The following COL13A1 variants were observed in gnomAD, a reference collection of about 807,000 sequenced individuals.
COL13A1 encodes collagen type XIII alpha 1 chain.
Under a neutral mutation model 130.9 loss-of-function variants are expected in COL13A1, and 89 were observed. The ratio of observed to expected loss-of-function variants is 0.68; its 90% confidence interval spans 0.57 to 0.81. COL13A1 has a LOEUF of 0.81. COL13A1 is among the 30% of genes least tolerant of loss of function. The pLI, the probability that COL13A1 is intolerant of heterozygous loss-of-function variation, is 0.00. For missense variants in COL13A1, 879 were observed against 934.6 expected (o/e 0.94, Z 0.78); for synonymous variants, 402 against 341.6 (o/e 1.18, Z -1.95).
Position 69,863,676 on chromosome 10 carries a change from C to T in COL13A1, c.365-4122C>T, listed in dbSNP as rs368676148. On this transcript the variant is annotated intron_variant, in intron 2 of 40. Coordinates refer to ENST00000645393, the MANE Select transcript of COL13A1 (RefSeq NM_001368882.1). Reference sequence around the variant, plus strand: ...AGAAGGGGCTGAGGGCCCAGCCGCCCCTTCCACCCCTGAGAACTTCATGAC... The same window carrying T: ...AGAAGGGGCTGAGGGCCCAGCCGCCTCTTCCACCCCTGAGAACTTCATGAC... Among the ~76,000 whole-genome samples the T allele has an allele frequency of 8.1e-4, 123 of 152,258 alleles. 3 individuals are homozygous for T. In the South Asian group the frequency reaches 0.024, roughly 30 times the overall value.
chr10:69,880,504 G>T lies in COL13A1; in HGVS notation c.464G>T (p.Gly155Val). 6.2e-7 allele frequency: 1 copy of T among 1,609,274 alleles called. No individual in the cohort carries two copies. Among genetic ancestry groups the T allele is most frequent in the Non-Finnish European group, 8.5e-7 (1 of 1,175,930 alleles). Residue 155 changes from glycine (G) to valine (V), a missense_variant and splice_region_variant, in exon 7 of 41, where the codon GGG (glycine) becomes GTG (valine). Around this residue, in one of 3 missense-constraint regions of COL13A1, gnomAD observed 715 missense variants for 721.0 expected, o/e 0.99. Transcript: ENST00000645393. ...VGVKGQPGEK[G>V]SPGDAGLSII... ...CTCCCCCTTCCTCTCTCCCCGCAGG[G>T]GTCCCCCGGAGACGCTGGGCTGTCC... is the stretch of plus-strand genomic sequence containing the variant.
intron 1 of COL13A1, among the ~76,000 whole-genome samples, chr10:69,811,317 A>T (rs954973269): frequency 2.6e-5 from 4 of 152,112 alleles, no homozygotes; most frequent in Non-Finnish European, 5.9e-5. Flanking sequence ...TCTGCCATAG[A>T]GGGACTTTGC....
intron 1 of COL13A1, among the ~76,000 whole-genome samples, chr10:69,812,192 C>T (rs1321150030): frequency 6.6e-6 from 1 of 152,234 alleles, no homozygotes; most frequent in East Asian, 1.9e-4. Context: ...AGGTGCAGCC[C>T]TTGTCACTCT....
At chr10:69,810,915 G>T (rs1842874782) in intron 1 of COL13A1, among the ~76,000 whole-genome samples, 1 of 152,190 alleles carries the variant, frequency 6.6e-6, no homozygotes, top group Non-Finnish European at 1.5e-5. Flanking sequence ...GTGCTCTCCT[G>T]GTCCTTCAAA....
At chr10:69,855,806 A>AGAGGGAGGGAT (rs371254470) in intron 2 of COL13A1, among the ~76,000 whole-genome samples, 2 of 152,128 alleles carry the variant, frequency 1.3e-5, no homozygotes, top group South Asian at 2.1e-4. Flanking sequence ...GAGGGATGCA[A>AGAGGGAGGGAT]GCACACTTGT....
intron 2 of COL13A1, among the ~76,000 whole-genome samples, chr10:69,855,089 T>C (rs908955361): frequency 1.3e-5 from 2 of 152,240 alleles, no homozygotes; most frequent in African/African-American, 4.8e-5. Context: ...AGCCTGGGTG[T>C]TTACACCTGT....
intron 37 of COL13A1, among the ~76,000 whole-genome samples, chr10:69,946,626 G>A (rs1160686124): frequency 6.6e-6 from 1 of 152,192 alleles, no homozygotes; most frequent in Non-Finnish European, 1.5e-5. Context: ...GCAAGAGCCT[G>A]GCAGGAGAGC....
chr10:69,939,950 A>T (rs1373991807), intron 34 of COL13A1, among the ~76,000 whole-genome samples: 1 of 152,034 alleles, frequency 6.6e-6, no homozygotes, highest in Non-Finnish European at 1.5e-5. Flanking sequence ...CTTCCTTTTC[A>T]TTTGAAATTC....
At chr10:69,946,457 G>T (rs2068549572) in intron 37 of COL13A1, among the ~76,000 whole-genome samples, 1 of 152,260 alleles carries the variant, frequency 6.6e-6, no homozygotes, top group Non-Finnish European at 1.5e-5. Flanking sequence ...CTGTGTTACA[G>T]AAGTTGAGTG....
intron 8 of COL13A1, 29 bp from the exon 9 acceptor site, chr10:69,888,275 G>A (rs765626021): frequency 4.8e-5 from 78 of 1,612,142 alleles, no homozygotes; most frequent in Non-Finnish European, 3.0e-5. Flanking sequence ...GTGATGCTCA[G>A]TCTTTACATC....
At chr10:69,844,516 A>G (rs1852471512) in intron 2 of COL13A1, among the ~76,000 whole-genome samples, 1 of 152,148 alleles carries the variant, frequency 6.6e-6, no homozygotes, top group Admixed American at 6.5e-5. Context: ...CCACCTGTAA[A>G]ATAGGGTAAT....
At chr10:69,820,133 T>C (rs1398257133) in intron 1 of COL13A1, among the ~76,000 whole-genome samples, 4 of 152,270 alleles carry the variant, frequency 2.6e-5, no homozygotes, top group Non-Finnish European at 5.9e-5. Flanking sequence ...CATCATTCTC[T>C]GTCCCCTTGC....
chr10:69,827,827 T>C (rs1444122266), intron 2 of COL13A1, among the ~76,000 whole-genome samples: 9 of 152,146 alleles, frequency 5.9e-5, no homozygotes, highest in Non-Finnish European at 1.0e-4. Context: ...GACATTTACA[T>C]GGGCAGGACC....
intron 17 of COL13A1, among the ~76,000 whole-genome samples, chr10:69,908,746 G>A (rs1246497250): frequency 6.6e-6 from 1 of 152,188 alleles, no homozygotes. Context: ...GAGAAGACCA[G>A]TGTAGCCCTC....
chr10:69,862,760 C>A (rs2133865805), intron 2 of COL13A1, among the ~76,000 whole-genome samples: 1 of 152,312 alleles, frequency 6.6e-6, no homozygotes, highest in Non-Finnish European at 1.5e-5. Context: ...ATGTGTTCTG[C>A]AGCCTTGAAC....
At chr10:69,895,841 G>A (rs1019123244) in intron 13 of COL13A1, among the ~76,000 whole-genome samples, 7 of 152,162 alleles carry the variant, frequency 4.6e-5, no homozygotes, top group East Asian at 1.9e-4. Context: ...CCCTTTGTAC[G>A]TACGTCTGAC....
chr10:69,840,847 C>T (rs1044846764), intron 2 of COL13A1, among the ~76,000 whole-genome samples: 2 of 152,080 alleles, frequency 1.3e-5, no homozygotes, highest in Non-Finnish European at 2.9e-5. Flanking sequence ...GCAACAGAGT[C>T]GGGAACCATC....
Position 69,959,008 on chromosome 10 carries a change from C to A in COL13A1, c.*307C>A. ...TGTCCTGGTGCCAAAGGGGGCCAGC[C>A]AGAACTGAGGTGCTGGCTAGCTCAT... On this transcript the variant is annotated 3_prime_UTR_variant, in exon 41 of 41. Coordinates refer to ENST00000645393, the MANE Select transcript of COL13A1 (RefSeq NM_001368882.1). 2.8e-6 allele frequency: 1 copy of A among 363,354 alleles called. No individual in the cohort carries two copies. The highest frequency in any genetic ancestry group is 4.0e-5 in the South Asian group (1 of 24,888). The allele number at this position is 363,354 out of a possible 1,614,324, so 22.5% of individuals were successfully genotyped here. A position where few individuals can be genotyped will look rare whatever the true frequency, so the allele number is the denominator to read the frequency against.
At chr10:69,938,966 G>T (rs1472581955) in intron 34 of COL13A1, among the ~76,000 whole-genome samples, 1 of 152,108 alleles carries the variant, frequency 6.6e-6, no homozygotes, top group Non-Finnish European at 1.5e-5. Flanking sequence ...GAACACTCGA[G>T]AATTCAGTCA....
Sources: gnomAD v4.1 joint callset for allele counts (sites outside exome capture counted in the v4.1 genomes callset) on GRCh38, gnomAD v4.1.1 for gene constraint, gnomAD v4.1.1 regional missense constraint, MANE v1.5 for transcripts, NCBI Gene and HGNC (gene_info 2026-07-23, HGNC 2026-07-21) for gene names.